Variants in SULF2 observed in about 807,000 individuals in gnomAD.
SULF2 encodes sulfatase 2.
In SULF2, 52 loss-of-function variants were observed where a neutral mutation model predicts 107.7. That is an observed-to-expected ratio of 0.48 (90% CI 0.39 to 0.61). SULF2 has a LOEUF of 0.61. Ranked by LOEUF, SULF2 falls within the 20% of genes least tolerant of loss-of-function variation. The probability of loss-of-function intolerance (pLI) is 0.00; values close to 1 mark genes in which losing one functional copy is unlikely to be tolerated. For synonymous variants in SULF2, 460 were observed against 464.3 expected (o/e 0.99, Z 0.12); for missense variants, 993 against 1,177.3 (o/e 0.84, Z 2.29).
At chr20:47,784,394 AGGG>A (rs1422630157) in intron 1 of SULF2, among the ~76,000 whole-genome samples, 2 of 147,362 alleles carry the variant, frequency 1.4e-5, no homozygotes, top group East Asian at 4.0e-4. Flanking sequence ...AAAGCTTTCA[AGGG>A]GGAGGAGGAG....
intron 1 of SULF2, among the ~76,000 whole-genome samples, chr20:47,779,710 G>A (rs576965368): frequency 4.6e-5 from 7 of 152,234 alleles, no homozygotes; most frequent in African/African-American, 9.6e-5. Flanking sequence ...GGGTTCAAAC[G>A]ATTCTCCTGC....
intron 6 of SULF2, among the ~76,000 whole-genome samples, 170 bp from the exon 7 acceptor site, chr20:47,683,339 G>T (rs2087892851): frequency 6.6e-6 from 1 of 152,254 alleles, no homozygotes; most frequent in Non-Finnish European, 1.5e-5. Flanking sequence ...CCTGCCTCTT[G>T]TCACCCCTGG....
intron 1 of SULF2, among the ~76,000 whole-genome samples, chr20:47,757,827 T>C (rs988323827): frequency 3.9e-5 from 6 of 152,104 alleles, no homozygotes; most frequent in African/African-American, 1.4e-4. Flanking sequence ...AGCGGGCTGG[T>C]CTCAAGGGGT....
intron 2 of SULF2, among the ~76,000 whole-genome samples, chr20:47,754,810 G>A (rs188232564): frequency 6.6e-6 from 1 of 152,342 alleles, no homozygotes; most frequent in African/African-American, 2.4e-5. Flanking sequence ...CAGTGGCTAA[G>A]ATCACGCGTT....
chr20:47,745,760 C>T (rs1274570329), intron 2 of SULF2, among the ~76,000 whole-genome samples: 1 of 151,864 alleles, frequency 6.6e-6, no homozygotes, highest in Non-Finnish European at 1.5e-5. Flanking sequence ...GAACTCCTGG[C>T]CTTAAGTGAT....
At chr20:47,662,760 C>T (rs1295482686) in intron 17 of SULF2, among the ~76,000 whole-genome samples, 1 of 144,918 alleles carries the variant, frequency 6.9e-6, no homozygotes, top group Admixed American at 6.9e-5. Context: ...GATCCTACAG[C>T]CTGACAGTGT....
Position 47,723,361 on chromosome 20 carries a change from C to A in SULF2, c.415+13342G>T, listed in dbSNP as rs2089348450. Among the ~76,000 whole-genome samples, 14 of 152,066 alleles carry A rather than the reference C, an allele frequency of 9.2e-5. No homozygotes were observed. In the South Asian group the frequency reaches 2.9e-3, roughly 32 times the overall value. On this transcript the variant is annotated intron_variant, in intron 3 of 20. Transcript: ENST00000688720. ...TCGAGAATGAGAGGGTTGAGGAGTA[C>A]TAACCGACACAGGAAGGGCAGGAAG...
At chr20:47,746,521 C>A (rs1377567341) in intron 2 of SULF2, among the ~76,000 whole-genome samples, 1 of 152,174 alleles carries the variant, frequency 6.6e-6, no homozygotes, top group Non-Finnish European at 1.5e-5. Flanking sequence ...ATGACCAAGG[C>A]AACACCTGCT....
chr20:47,777,645 A>G (rs1034160885), intron 1 of SULF2, among the ~76,000 whole-genome samples: 1 of 152,228 alleles, frequency 6.6e-6, no homozygotes, highest in African/African-American at 2.4e-5. Context: ...TTCAATTCAC[A>G]TTAAAATGAT....
chr20:47,718,275 TG>T (rs2089185591), intron 3 of SULF2, among the ~76,000 whole-genome samples: 1 of 152,170 alleles, frequency 6.6e-6, no homozygotes, highest in South Asian at 2.1e-4. Flanking sequence ...ATGACAAAGT[TG>T]CTGGGAAAGA....
At chr20:47,700,610 C>T (rs191850245) in intron 4 of SULF2, among the ~76,000 whole-genome samples, 5 of 150,116 alleles carry the variant, frequency 3.3e-5, no homozygotes, top group Admixed American at 6.6e-5. Flanking sequence ...CTCCCATTTC[C>T]GGCTGGAGTG....
intron 7 of SULF2, among the ~76,000 whole-genome samples, chr20:47,682,187 T>TC (rs1198865615): frequency 6.6e-6 from 1 of 152,214 alleles, no homozygotes; most frequent in East Asian, 1.9e-4. Flanking sequence ...TCGCAAAATG[T>TC]CCAAGGCAGT....
At chr20:47,665,763 C>T in intron 13 of SULF2, 94 bp downstream of exon 13, 1 of 1,040,908 alleles carries the variant, frequency 9.6e-7, no homozygotes. Flanking sequence ...AGCCTCTTCC[C>T]TGGGTCTGGC....
intron 5 of SULF2, among the ~76,000 whole-genome samples, chr20:47,688,542 C>T (rs1449730094): frequency 6.6e-6 from 1 of 152,238 alleles, no homozygotes; most frequent in Non-Finnish European, 1.5e-5. Flanking sequence ...CCCTCACCCA[C>T]GGCTTCTCCC....
intron 1 of SULF2, among the ~76,000 whole-genome samples, chr20:47,767,337 A>G (rs1176585156): frequency 1.3e-5 from 2 of 152,202 alleles, no homozygotes; most frequent in East Asian, 1.9e-4. Context: ...TTTCTATAAC[A>G]GCTCCCAATT....
Position 47,664,168 on chromosome 20 carries a change from G to A in SULF2, c.2019C>T (p.Gly673=). 6.2e-7 allele frequency: 1 copy of A among 1,613,054 alleles called. No homozygotes were observed. The highest frequency in any genetic ancestry group is 1.3e-5 in the African/African-American group (1 of 75,028). The change falls in exon 15 of 21, where the codon GGC becomes GGT. Residue 673 remains glycine, a synonymous_variant. Coordinates refer to ENST00000688720, the MANE Select transcript of SULF2 (RefSeq NM_001387048.1). ...HKISYHTQHK[G]RLKHRGSSLH... ...GACTGGAGCCTCTGTGCTTGAGGCG[G>A]CCTTTGTGCTGGGTGTGGTAGCTGT...
At chr20:47,744,188 TATTG>T (rs1361993142) in intron 2 of SULF2, among the ~76,000 whole-genome samples, 4 of 152,116 alleles carry the variant, frequency 2.6e-5, no homozygotes, top group South Asian at 2.1e-4. Context: ...TGTGTAATTT[TATTG>T]ATTGTTTTGA....
At chr20:47,781,668 C>T (rs1274667390) in intron 1 of SULF2, among the ~76,000 whole-genome samples, 1 of 152,140 alleles carries the variant, frequency 6.6e-6, no homozygotes, top group Non-Finnish European at 1.5e-5. Flanking sequence ...AGACGCCCTG[C>T]TAAGCACTTG....
intron 1 of SULF2, among the ~76,000 whole-genome samples, chr20:47,777,921 A>G (rs1485701122): frequency 6.6e-6 from 1 of 151,194 alleles, no homozygotes; most frequent in Non-Finnish European, 1.5e-5. Context: ...GGGTCACTTG[A>G]GCCCAGGAGT....
Sources: gnomAD v4.1 joint callset for allele counts (sites outside exome capture counted in the v4.1 genomes callset) on GRCh38, gnomAD v4.1.1 for gene constraint, MANE v1.5 for transcripts, NCBI Gene and HGNC (gene_info 2026-07-23, HGNC 2026-07-21) for gene names.